ENO4: variants seen among roughly 807,000 people sequenced by gnomAD.
ENO4 encodes 2-phospho-D-glycerate hydro-lyase.
Under a neutral mutation model 63.2 loss-of-function variants are expected in ENO4, and 53 were observed. The observed-to-expected ratio is 0.84, with a 90% confidence interval of 0.67 to 1.05. The LOEUF (loss-of-function observed/expected upper bound fraction) is 1.05. Among genes scored for constraint, ENO4 ranks in the 50% least tolerant of loss-of-function variants. The pLI is 0.00. For synonymous variants in ENO4, 266 were observed against 283.8 expected (o/e 0.94, Z 0.63); for missense variants, 719 against 772.0 (o/e 0.93, Z 0.81).
At chr10:116,900,872 T>A (rs968398471) in intron 10 of ENO4, 1 of 985,056 alleles carries the variant, frequency 1.0e-6, no homozygotes, top group African/African-American at 1.7e-5. Flanking sequence ...AAAAAGTTAA[T>A]AGTAGCAATG....
At chr10:116,883,280 T>C (rs1847074851), downstream of ENO4, 1 of 152,050 alleles carries the variant, frequency 6.6e-6, no homozygotes, top group Non-Finnish European at 1.5e-5. Context: ...TATATAACAT[T>C]TAATATGAAA....
intron 6 of ENO4, 89 bp from the exon 7 acceptor site, chr10:116,862,706 TACTC>T: frequency 1.2e-6 from 1 of 841,034 alleles, no homozygotes; most frequent in Non-Finnish European, 2.0e-6. Context: ...ACTCTACAAA[TACTC>T]TGAGTTAGAA....
chr10:116,868,783 T>C, intron 8 of ENO4, 77 bp downstream of exon 8: 2 of 1,338,900 alleles, frequency 1.5e-6, no homozygotes, highest in Non-Finnish European at 2.1e-6. Flanking sequence ...TCTTCCATAG[T>C]CACTTTTTGC....
chr10:116,909,524 A>C (rs1848107278), intron 10 of ENO4, among the ~76,000 whole-genome samples: 1 of 152,206 alleles, frequency 6.6e-6, no homozygotes, highest in African/African-American at 2.4e-5. Context: ...AGGTGACTCA[A>C]AAGGTTTCAT....
chr10:116,862,824 A>C lies in ENO4; in HGVS notation c.962A>C (p.Gln321Pro). 1 of 1,549,696 alleles carries C rather than the reference A, an allele frequency of 6.5e-7. No individual in the cohort carries two copies. The highest frequency in any genetic ancestry group is 8.7e-7 in the Non-Finnish European group (1 of 1,146,210). Residue 321 changes from glutamine to proline, a missense_variant, in exon 7 of 14, where the codon CAG (glutamine) becomes CCG (proline). By Grantham distance (76) the Gln-to-Pro change is moderately conservative (BLOSUM62 -1). Coordinates refer to ENST00000341276, the MANE Select transcript of ENO4 (RefSeq NM_001242699.2). ...GGTGTCGAGATGCTTATGGAAATGC[A>C]GAAACATATCAACAAAATAATTGAA... ...KQGVEMLMEM[Q>P]KHINKIIEMP...
intron 3 of ENO4, 122 bp downstream of exon 3, chr10:116,856,804 A>C (rs1013879088): frequency 1.3e-6 from 1 of 788,886 alleles, no homozygotes; most frequent in Admixed American, 3.5e-5. Context: ...GGTCGAGACC[A>C]CGGTGAAACC....
chr10:116,906,239 T>G (rs1847967585), intron 10 of ENO4, among the ~76,000 whole-genome samples: 1 of 152,198 alleles, frequency 6.6e-6, no homozygotes, highest in South Asian at 2.1e-4. Flanking sequence ...CACAAAGAGG[T>G]TCAGTAATTT....
chr10:116,855,030 C>G (rs978575187), intron 1 of ENO4, among the ~76,000 whole-genome samples: 2 of 150,664 alleles, frequency 1.3e-5, no homozygotes, highest in African/African-American at 4.9e-5. Context: ...AGAACGCCTG[C>G]TAGCCTGTAA....
At chr10:116,868,236 G>A (rs1016095698) in intron 7 of ENO4, among the ~76,000 whole-genome samples, 1 of 152,234 alleles carries the variant, frequency 6.6e-6, no homozygotes, top group African/African-American at 2.4e-5. Context: ...GCCTGTAAAA[G>A]CAAATCCCGC....
At chr10:116,894,882 A>C (rs1847461204) in intron 10 of ENO4, among the ~76,000 whole-genome samples, 1 of 152,192 alleles carries the variant, frequency 6.6e-6, no homozygotes, top group South Asian at 2.1e-4. Flanking sequence ...TGAAACTCTT[A>C]AGCCTCTGCC....
At chr10:116,904,329 A>C (rs1227473982) in intron 10 of ENO4, among the ~76,000 whole-genome samples, 1 of 152,174 alleles carries the variant, frequency 6.6e-6, no homozygotes, top group African/African-American at 2.4e-5. Context: ...AAAAATATTC[A>C]CATGGTAAAA....
intron 1 of ENO4, 178 bp downstream of exon 1, chr10:116,849,909 G>C (rs1846020386): frequency 2.6e-6 from 2 of 772,200 alleles, no homozygotes; most frequent in East Asian, 5.3e-5. Context: ...ACACCCAGGG[G>C]TGAAGGGATC....
chr10:116,875,282 G>A (rs772578331), intron 10 of ENO4, among the ~76,000 whole-genome samples: 8 of 152,116 alleles, frequency 5.3e-5, no homozygotes, highest in Non-Finnish European at 1.0e-4. Flanking sequence ...AGCATACACA[G>A]AATGCACTGG....
At chr10:116,861,027 T>C in intron 5 of ENO4, 32 bp from the exon 6 acceptor site, 1 of 1,543,534 alleles carries the variant, frequency 6.5e-7, no homozygotes, top group South Asian at 1.2e-5. Flanking sequence ...GAACCCTGTT[T>C]CTCATTTTCC....
downstream of ENO4, chr10:116,884,332 T>C (rs902120759): frequency 4.5e-6 from 2 of 444,516 alleles, no homozygotes; most frequent in Non-Finnish European, 4.6e-6. Context: ...CAGAAAAAGG[T>C]GAGTGAATAT....
At chr10:116,881,352 A>G (rs979288827) in intron 13 of ENO4, 163 bp from the exon 14 acceptor site, 3 of 569,404 alleles carry the variant, frequency 5.3e-6, no homozygotes, top group African/African-American at 3.8e-5. Context: ...CACAATTAAC[A>G]TATAACCAAA....
At chr10:116,900,434 G>T in intron 10 of ENO4, 1 of 1,084,262 alleles carries the variant, frequency 9.2e-7, no homozygotes, top group Non-Finnish European at 1.4e-6. Flanking sequence ...CCTTGGGCCT[G>T]CAATTATTTC....
chr10:116,899,354 T>C (rs1241813584), intron 10 of ENO4, among the ~76,000 whole-genome samples: 1 of 152,072 alleles, frequency 6.6e-6, no homozygotes, highest in Non-Finnish European at 1.5e-5. Context: ...ATAGAGAAGA[T>C]AACATTTGAG....
At chr10:116,880,169 T>C (rs1846964687) in intron 13 of ENO4, among the ~76,000 whole-genome samples, 183 bp downstream of exon 13, 1 of 152,212 alleles carries the variant, frequency 6.6e-6, no homozygotes, top group Non-Finnish European at 1.5e-5. Flanking sequence ...ATCATCTATT[T>C]ACCTGAATGT....
Sources: allele counts gnomAD v4.1 joint callset (sites outside exome capture counted in the v4.1 genomes callset), GRCh38; gene constraint gnomAD v4.1.1; transcripts MANE v1.5; gene names NCBI Gene and HGNC (gene_info 2026-07-23, HGNC 2026-07-21).